CNTNAP2: variants seen among roughly 807,000 people sequenced by gnomAD.
CNTNAP2 encodes contactin-associated protein-like 2.
A neutral mutation model predicts 155.2 loss-of-function variants in CNTNAP2; 98 were observed. That is an observed-to-expected ratio of 0.63 (90% CI 0.54 to 0.75). The LOEUF (loss-of-function observed/expected upper bound fraction) is 0.75, where lower values mean the gene tolerates loss of function less well. Among genes scored for constraint, CNTNAP2 ranks in the 30% least tolerant of loss-of-function variants. The probability of loss-of-function intolerance (pLI) is 0.00; values close to 1 mark genes in which losing one functional copy is unlikely to be tolerated. For synonymous variants in CNTNAP2, 651 were observed against 631.2 expected, an observed-to-expected ratio of 1.03 and a Z score of -0.47; for missense variants, 1,727 against 1,688.1, an observed-to-expected ratio of 1.02 and a Z score of -0.40.
rs572022650 is a variant in CNTNAP2, at chr7:147,636,369, C to A, written c.1898-2737C>A. Among the ~76,000 whole-genome samples the A allele has an allele frequency of 7.2e-5, 11 of 152,262 alleles. No individual in the cohort carries two copies. In the South Asian group the frequency reaches 2.1e-3, roughly 29 times the overall value. On this transcript the variant is annotated intron_variant, in intron 12 of 23. Coordinates refer to ENST00000361727, the MANE Select transcript of CNTNAP2 (RefSeq NM_014141.6). ...GTCCTGACCAAGCCAGAACTGGGACCAAAATGACTTTAAACTGTTCCTAGA... is the reference window on the plus strand; with the variant it reads ...GTCCTGACCAAGCCAGAACTGGGACAAAAATGACTTTAAACTGTTCCTAGA...
chr7:146,833,002 A>G (rs879793012), intron 2 of CNTNAP2, among the ~76,000 whole-genome samples: 1 of 151,990 alleles, frequency 6.6e-6, no homozygotes, highest in Non-Finnish European at 1.5e-5. Flanking sequence ...AGCTTAGCTC[A>G]CTAATTATTT....
At chr7:147,067,969 G>A (rs1314786061) in intron 4 of CNTNAP2, among the ~76,000 whole-genome samples, 1 of 152,198 alleles carries the variant, frequency 6.6e-6, no homozygotes, top group Non-Finnish European at 1.5e-5. Flanking sequence ...TAGCCCATCG[G>A]CGTGTCAGCC....
At chr7:146,890,652 TTAAA>T (rs1271243801) in intron 3 of CNTNAP2, among the ~76,000 whole-genome samples, 4 of 152,204 alleles carry the variant, frequency 2.6e-5, no homozygotes, top group African/African-American at 4.8e-5. Flanking sequence ...TAAAAATAAG[TTAAA>T]TAAACCTAAT....
intron 1 of CNTNAP2, among the ~76,000 whole-genome samples, chr7:146,352,253 A>G (rs564766259): frequency 1.3e-3 from 205 of 152,332 alleles, no homozygotes; most frequent in Non-Finnish European, 2.2e-3. Context: ...TTGTATAAAT[A>G]TAGCTGGAAT....
At chr7:147,865,054 G>A (rs1004141068) in intron 13 of CNTNAP2, among the ~76,000 whole-genome samples, 14 of 152,232 alleles carry the variant, frequency 9.2e-5, no homozygotes, top group African/African-American at 3.1e-4. Context: ...TATGATATTG[G>A]CTGTGGGTTT....
intron 17 of CNTNAP2, among the ~76,000 whole-genome samples, chr7:148,164,512 C>G (rs992786468): frequency 6.6e-6 from 1 of 152,058 alleles, no homozygotes; most frequent in Non-Finnish European, 1.5e-5. Context: ...GGCTCAAGAC[C>G]TCTATGCTAA....
Position 147,480,167 on chromosome 7 carries a change from C to A in CNTNAP2, c.1671-5768C>A, listed in dbSNP as rs1798396747. Reference sequence around the variant, plus strand: ...GGAAGCAAGAATTCTAAATATATTTCTTGTCTTAATAAGCAAAAATAAAAT... The same window carrying A: ...GGAAGCAAGAATTCTAAATATATTTATTGTCTTAATAAGCAAAAATAAAAT... On this transcript the variant is annotated intron_variant, in intron 10 of 23. Transcript: ENST00000361727. Among the ~76,000 whole-genome samples the A allele has an allele frequency of 1.3e-5, 2 of 152,092 alleles. 1 individual carries two copies. The highest frequency in any genetic ancestry group is 4.8e-5 in the African/African-American group (2 of 41,422).
At chr7:146,900,322 A>G (rs1795968200) in intron 3 of CNTNAP2, among the ~76,000 whole-genome samples, 1 of 152,170 alleles carries the variant, frequency 6.6e-6, no homozygotes, top group South Asian at 2.1e-4. Flanking sequence ...TTTAAGCCTT[A>G]TTACGATCCA....
chr7:146,741,369 G>A (rs1215562606), intron 1 of CNTNAP2, among the ~76,000 whole-genome samples: 1 of 152,128 alleles, frequency 6.6e-6, no homozygotes, highest in African/African-American at 2.4e-5. Flanking sequence ...CTGCTCATCT[G>A]TTGCTGTGCT....
intron 9 of CNTNAP2, 43 bp downstream of exon 9, chr7:147,300,333 A>C (rs1445459227): frequency 6.2e-7 from 1 of 1,610,318 alleles, no homozygotes. Flanking sequence ...CATTGCAAAA[A>C]ATGAGGTTTC....
At chr7:146,278,396 T>C (rs934465034) in intron 1 of CNTNAP2, among the ~76,000 whole-genome samples, 3 of 152,086 alleles carry the variant, frequency 2.0e-5, no homozygotes, top group Admixed American at 6.6e-5. Flanking sequence ...AGTGTGAAGA[T>C]GATGAATAAA....
intron 10 of CNTNAP2, among the ~76,000 whole-genome samples, chr7:147,463,360 A>C (rs1798058343): frequency 6.6e-6 from 1 of 152,244 alleles, no homozygotes; most frequent in Non-Finnish European, 1.5e-5. Flanking sequence ...AACATCTAAA[A>C]TAGATGAGGA....
chr7:147,823,733 A>C (rs1310765177), intron 13 of CNTNAP2, among the ~76,000 whole-genome samples: 2 of 146,372 alleles, frequency 1.4e-5, no homozygotes, highest in Admixed American at 6.9e-5. Context: ...AAAAAAAAAA[A>C]ATTACTGAAG....
intron 1 of CNTNAP2, among the ~76,000 whole-genome samples, chr7:146,546,192 G>A (rs1317457842): frequency 6.6e-6 from 1 of 151,922 alleles, no homozygotes; most frequent in Non-Finnish European, 1.5e-5. Flanking sequence ...AGGGAAGACT[G>A]ATGTTGGGAG....
At chr7:147,396,686 C>T (rs1373214131) in intron 10 of CNTNAP2, among the ~76,000 whole-genome samples, 1 of 151,918 alleles carries the variant, frequency 6.6e-6, no homozygotes, top group Non-Finnish European at 1.5e-5. Context: ...GAACAAGTTT[C>T]ATTTTGAGAT....
intron 1 of CNTNAP2, among the ~76,000 whole-genome samples, chr7:146,231,934 C>G (rs748721361): frequency 5.3e-5 from 8 of 152,290 alleles, no homozygotes; most frequent in Non-Finnish European, 8.8e-5. Flanking sequence ...TAGAATAAAC[C>G]ATGCAAACAC....
intron 13 of CNTNAP2, among the ~76,000 whole-genome samples, chr7:147,828,121 A>T (rs1228822674): frequency 2.0e-5 from 3 of 152,306 alleles, no homozygotes; most frequent in African/African-American, 7.2e-5. Context: ...TGAATGTAGT[A>T]TACTTATTTC....
chr7:147,687,689 A>G (rs2116987329), intron 13 of CNTNAP2, among the ~76,000 whole-genome samples: 1 of 152,238 alleles, frequency 6.6e-6, no homozygotes, highest in African/African-American at 2.4e-5. Flanking sequence ...TAAGGCAGCA[A>G]CAGAGTAGCA....
intron 3 of CNTNAP2, among the ~76,000 whole-genome samples, chr7:146,964,545 A>G (rs1237810024): frequency 6.6e-6 from 1 of 152,202 alleles, no homozygotes; most frequent in African/African-American, 2.4e-5. Flanking sequence ...GATAAAATAT[A>G]TTACCTCCTT....
Sources: allele counts gnomAD v4.1 joint callset (sites outside exome capture counted in the v4.1 genomes callset), GRCh38; gene constraint gnomAD v4.1.1; transcripts MANE v1.5; gene names NCBI Gene and HGNC (gene_info 2026-07-23, HGNC 2026-07-21).